Variants in MANEA observed in about 807,000 individuals in gnomAD.
The protein encoded by MANEA is glycoprotein endo-alpha-1,2-mannosidase.
In MANEA, 25 loss-of-function variants were observed where a neutral mutation model predicts 36.8. The ratio of observed to expected loss-of-function variants is 0.68; its 90% CI spans 0.50 to 0.95. The LOEUF (loss-of-function observed/expected upper bound fraction) is 0.95, where lower values mean the gene tolerates loss of function less well. MANEA is among the 40% of genes least tolerant of loss of function. The pLI is 0.00. For synonymous variants in MANEA, 198 were observed against 188.5 expected (o/e 1.05, Z -0.41); for missense variants, 565 against 558.8 (o/e 1.01, Z -0.11).
chr6:95,588,582 A>G (rs1769330632), intron 2 of MANEA, among the ~76,000 whole-genome samples: 1 of 151,672 alleles, frequency 6.6e-6, no homozygotes, highest in African/African-American at 2.4e-5. Flanking sequence ...TTCAAATGAT[A>G]TTTTTTCTAT....
intron 3 of MANEA, among the ~76,000 whole-genome samples, chr6:95,604,171 G>T (rs1488940684): frequency 3.3e-5 from 5 of 149,766 alleles, no homozygotes; most frequent in African/African-American, 9.8e-5. Context: ...TTATTTTTAA[G>T]CGATTTCATT....
intron 1 of MANEA, among the ~76,000 whole-genome samples, chr6:95,577,911 C>T (rs910828129): frequency 1.3e-5 from 2 of 152,270 alleles, no homozygotes; most frequent in Non-Finnish European, 2.9e-5. Flanking sequence ...ATCCCCACCT[C>T]ACTGGCCTCG....
rs752047440 is a variant in MANEA at position 95,586,434 on chromosome 6, GTCA to G, written c.-1_2del. 19 of 1,599,842 alleles carry G rather than the reference GTCA, an allele frequency of 1.2e-5. No homozygotes were observed. The South Asian group carries it at 1.8e-4, about 15-fold the overall frequency. The stretch of plus-strand genomic sequence containing the variant: ...CTTACTATTTTGGAGTTTAAAGTAT[GTCA>G]TCATGGCAAAGTTTCGGAGAAGGAC... On this transcript the variant is annotated 5_prime_UTR_variant, in exon 2 of 5. Coordinates refer to ENST00000358812, the MANE Select transcript of MANEA (RefSeq NM_024641.4).
intron 1 of MANEA, among the ~76,000 whole-genome samples, chr6:95,585,630 A>G (rs1004113931): frequency 5.3e-5 from 8 of 152,332 alleles, no homozygotes; most frequent in South Asian, 2.1e-4. Flanking sequence ...AATTTTTTGA[A>G]AAAATTGGGA....
chr6:95,606,928 A>G lies in MANEA; in HGVS notation c.*523A>G, dbSNP rs953918588. On this transcript the variant is annotated 3_prime_UTR_variant, in exon 5 of 5. Transcript: ENST00000358812. ...CTCTACAATAATGAGGAAATTCTTA[A>G]GAATAACAAAATCACTGTACCTTCC... The G allele has an allele frequency of 6.6e-6, 1 of 152,148 alleles. No homozygotes were observed. The highest frequency in any genetic ancestry group is 6.6e-5 in the Admixed American group (1 of 15,242). The allele number at this position is 152,148 out of a possible 1,614,324, so 9.4% of individuals were successfully genotyped here.
intron 1 of MANEA, among the ~76,000 whole-genome samples, chr6:95,578,138 CG>C (rs1026057122): frequency 6.6e-6 from 1 of 152,158 alleles, no homozygotes; most frequent in African/African-American, 2.4e-5. Context: ...CTCTGGGCAT[CG>C]GGAGGAGACC....
In MANEA at chr6:95,609,048, G is replaced by A. The variant is rs1218008112; in HGVS notation, c.*2643G>A. On this transcript the variant is annotated 3_prime_UTR_variant, in exon 5 of 5. Transcript: ENST00000358812. ...GGAAAACTTTCAAAATCTTCCTCAG[G>A]TATTTATTACAACTGCCTTTACCAT... The A allele has an allele frequency of 1.3e-5, 2 of 151,686 alleles. No homozygotes were observed. Among genetic ancestry groups the A allele is most frequent in the Non-Finnish European group, 3.0e-5 (2 of 67,734 alleles). The allele number at this position is 151,686 out of a possible 1,614,324, so 9.4% of individuals were successfully genotyped here. A position where few individuals can be genotyped will look rare whatever the true frequency, so the allele number is the denominator to read the frequency against.
At chr6:95,580,521 C>T (rs944693106) in intron 1 of MANEA, among the ~76,000 whole-genome samples, 4 of 151,910 alleles carry the variant, frequency 2.6e-5, no homozygotes, top group South Asian at 4.2e-4. Flanking sequence ...GTCAGGAGAT[C>T]GAGACCATCC....
intron 2 of MANEA, among the ~76,000 whole-genome samples, chr6:95,591,588 A>G (rs1481300498): frequency 6.7e-6 from 1 of 149,756 alleles, no homozygotes; most frequent in Non-Finnish European, 1.5e-5. Flanking sequence ...TAAACATGGT[A>G]TGGTTACTTG....
At position 95,601,263 on chromosome 6, in the gene MANEA, C is replaced by T. The variant is rs73757408; in HGVS notation, c.655-3564C>T. The stretch of plus-strand genomic sequence containing the variant: ...TCCTGCACCATTAAGAACACAGCAA[C>T]GGAACAATTTTTTGAGTAAGACATG... On this transcript the variant is annotated intron_variant, in intron 3 of 4. Coordinates refer to ENST00000358812, the MANE Select transcript of MANEA (RefSeq NM_024641.4). Among the ~76,000 whole-genome samples, 373 of 152,206 alleles carry T rather than the reference C, an allele frequency of 2.5e-3. 5 individuals carry two copies. Among genetic ancestry groups the T allele is most frequent in the African/African-American group, 8.2e-3 (342 of 41,516 alleles).
Position 95,604,839 on chromosome 6 carries a change from A to G in MANEA, c.667A>G (p.Ile223Val). 3.4e-6 allele frequency: 5 copies of G among 1,458,254 alleles called. No homozygotes were observed. The highest frequency in any genetic ancestry group is 2.8e-5 in the South Asian group (2 of 71,532). The allele number at this position is 1,458,254 out of a possible 1,614,324, so 90.3% of individuals were successfully genotyped here. Residue 223 changes from isoleucine to valine, a missense_variant, in exon 4 of 5, where the codon ATA becomes GTA. Physicochemically the swap from Ile to Val is conservative, Grantham distance 29. Transcript: ENST00000358812. ...TTGTTTGTTTTAGGTTACTTTTCAC[A>G]TAGAACCATATAGCAATCGAGATGA... ...HKYNLKVTFH[I>V]EPYSNRDDQN... is the part of the protein sequence containing the mutation.
At chr6:95,600,451 AG>A (rs764371695) in intron 3 of MANEA, among the ~76,000 whole-genome samples, 1 of 152,192 alleles carries the variant, frequency 6.6e-6, no homozygotes, top group Non-Finnish European at 1.5e-5. Context: ...ACCATAAGAT[AG>A]TTTTATTGGA....
At chr6:95,588,815 T>C (rs1219420944) in intron 2 of MANEA, among the ~76,000 whole-genome samples, 1 of 151,480 alleles carries the variant, frequency 6.6e-6, no homozygotes, top group Non-Finnish European at 1.5e-5. Context: ...ATAATATATG[T>C]GGTAAATATA....
In MANEA at chr6:95,579,307, A is replaced by G. The variant is rs532345895; in HGVS notation, c.-39+1669A>G. 4.6e-5 allele frequency among the ~76,000 whole-genome samples: 7 copies of G among 152,284 alleles called. No individual in the cohort carries two copies. The South Asian group carries it at 1.4e-3, about 32-fold the overall frequency. On this transcript the variant is annotated intron_variant, in intron 1 of 4. Coordinates refer to ENST00000358812, the MANE Select transcript of MANEA (RefSeq NM_024641.4). The stretch of plus-strand genomic sequence containing the variant: ...AGAATCGCTTGAACCCGGGAGGTGG[A>G]GGTTGTAGTGAGCCAAGATGGCGCC...
At position 95,606,019 on chromosome 6, in the gene MANEA, C is replaced by A. The variant is rs1405397363; in HGVS notation, c.1003C>A (p.His335Asn). 2.7e-5 allele frequency: 43 copies of A among 1,613,868 alleles called. No homozygotes were observed. Among genetic ancestry groups the A allele is most frequent in the Non-Finnish European group, 3.6e-5 (43 of 1,179,966 alleles). ...AAATGGCTTTACTTATGGCTCATCA[C>A]ATCAGAATTGGGCTAGCCTAAAATT... is the stretch of plus-strand genomic sequence containing the variant. ...ATNGFTYGSSHQNWASLKLFC... is the reference protein window; with the variant it reads ...ATNGFTYGSSNQNWASLKLFC... Residue 335 changes from histidine to asparagine, a missense_variant, in exon 5 of 5, where the codon CAT (histidine) becomes AAT (asparagine). Coordinates refer to ENST00000358812, the MANE Select transcript of MANEA (RefSeq NM_024641.4).
chr6:95,581,062 A>T (rs946111114), intron 1 of MANEA, among the ~76,000 whole-genome samples: 5 of 152,200 alleles, frequency 3.3e-5, no homozygotes, highest in Non-Finnish European at 5.9e-5. Flanking sequence ...CCTATGAGTG[A>T]AGTAATAACT....
At chr6:95,589,701 G>A (rs79052171) in intron 2 of MANEA, among the ~76,000 whole-genome samples, 7,667 of 152,090 alleles carry the variant, frequency 0.05, 201 homozygotes, top group African/African-American at 0.068. Context: ...ACAGATGAAT[G>A]CCTTCTTTTT....
At chr6:95,578,189 C>G (rs866548603) in intron 1 of MANEA, among the ~76,000 whole-genome samples, 34 of 152,296 alleles carry the variant, frequency 2.2e-4, no homozygotes, top group Middle Eastern at 3.4e-3. Context: ...TTTCAGTTCA[C>G]CTGTTAACGT....
rs73757407 is a variant in MANEA at position 95,595,948 on chromosome 6, C to T, written c.545-789C>T. ...CATAATGGGCAAAAATTGGAAGCAA[C>T]CAAGATGTCCTTCATTAGGTGAATG... On this transcript the variant is annotated intron_variant, in intron 2 of 4. Transcript: ENST00000358812. Among the ~76,000 whole-genome samples, 733 of 152,140 alleles carry T rather than the reference C, an allele frequency of 4.8e-3. 9 individuals carry two copies. Among genetic ancestry groups the T allele is most frequent in the African/African-American group, 0.017 (702 of 41,510 alleles).
Sources: gnomAD v4.1 joint callset for allele counts (sites outside exome capture counted in the v4.1 genomes callset) on GRCh38, gnomAD v4.1.1 for gene constraint, MANE v1.5 for transcripts, NCBI Gene and HGNC (gene_info 2026-07-23, HGNC 2026-07-21) for gene names.